Variants in SFSWAP observed in about 807,000 individuals in gnomAD.
The protein encoded by SFSWAP is splicing factor, suppressor of white-apricot homolog.
In SFSWAP, 17 loss-of-function variants were observed where a neutral mutation model predicts 100.7. That is an observed-to-expected ratio of 0.17 (90% CI 0.12 to 0.25). SFSWAP has a LOEUF of 0.25. SFSWAP is among the 10% of genes least tolerant of loss of function. The pLI is 1.00. For synonymous variants in SFSWAP, 504 were observed against 510.1 expected (o/e 0.99, Z 0.16); for missense variants, 1,005 against 1,262.6 (o/e 0.80, Z 3.09).
chr12:131,768,631 C>T (rs55844034), intron 13 of SFSWAP, among the ~76,000 whole-genome samples: 10,552 of 152,210 alleles, frequency 0.069, 394 homozygotes, highest in Middle Eastern at 0.18. Context: ...TCTGGCCACC[C>T]GCTGTAGCCT....
intron 3 of SFSWAP, among the ~76,000 whole-genome samples, chr12:131,718,242 T>G (rs1214331343): frequency 6.6e-6 from 1 of 152,220 alleles, no homozygotes; most frequent in Non-Finnish European, 1.5e-5. Context: ...TGACAGGAGA[T>G]CTTTGCAAAT....
Position 131,714,910 on chromosome 12 carries a change from C to T in SFSWAP, c.477C>T (p.Asp159=), listed in dbSNP as rs1877743690. Residue 159 remains aspartate (D), a synonymous_variant, in exon 3 of 18, where the codon GAC becomes GAT. Transcript: ENST00000261674. The surrounding 1 kb of genome is among the most constrained non-coding windows in gnomAD (Gnocchi z 6.0). Reference sequence around the variant, plus strand: ...TCACTTACGGTAGCGACTATTACGACCCGTCAGAGCCGACGGAGGAGGAGG... The same window carrying T: ...TCACTTACGGTAGCGACTATTACGATCCGTCAGAGCCGACGGAGGAGGAGG... ...VGFTYGSDYY[D]PSEPTEEEEP... 6.2e-7 allele frequency: 1 copy of T among 1,614,118 alleles called. No homozygotes were observed.
intron 7 of SFSWAP, among the ~76,000 whole-genome samples, chr12:131,748,228 T>TTC: frequency 6.6e-6 from 1 of 151,824 alleles, no homozygotes; most frequent in Non-Finnish European, 1.5e-5. Context: ...CTTTTTTTTT[T>TTC]TTTTTGAGAC....
intron 7 of SFSWAP, among the ~76,000 whole-genome samples, chr12:131,745,516 A>G (rs568277077): frequency 6.6e-6 from 1 of 152,332 alleles, no homozygotes; most frequent in African/African-American, 2.4e-5. Context: ...CATTCTTGAG[A>G]ATGCAGAATT....
chr12:131,711,578 C>G lies in SFSWAP; in HGVS notation c.218+131C>G, dbSNP rs1419658439. Reference sequence around the variant, plus strand: ...GGGGATCTGGGGGACACCCCCTCCCCTGTCCCCACCTCCTCCTGGTGTTCT... The same window carrying G: ...GGGGATCTGGGGGACACCCCCTCCCGTGTCCCCACCTCCTCCTGGTGTTCT... On this transcript the variant is annotated intron_variant, in intron 1 of 17. Transcript: ENST00000261674. The surrounding 1 kb of genome is among the most constrained non-coding windows in gnomAD (Gnocchi z 4.9). 2 of 709,724 alleles carry G rather than the reference C, an allele frequency of 2.8e-6. No individual in the cohort carries two copies. The highest frequency in any genetic ancestry group is 3.5e-5 in the South Asian group (2 of 56,720). 44.0% of individuals were successfully genotyped at this position (709,724 alleles called of 1,614,324 possible).
chr12:131,756,558 C>T lies in SFSWAP; in HGVS notation c.1634C>T (p.Ala545Val), dbSNP rs1364398200. 4 of 1,613,960 alleles carry T rather than the reference C, an allele frequency of 2.5e-6. No homozygotes were observed. The highest frequency in any genetic ancestry group is 3.4e-6 in the Non-Finnish European group (4 of 1,179,942). ...DAGEDGAPED[A>V]AEVGARAGSG... ...GGGGAGGATGGCGCGCCTGAAGACGCAGCCGAGGTGGGAGCACGGGCAGGC... is the reference window on the plus strand; with the variant it reads ...GGGGAGGATGGCGCGCCTGAAGACGTAGCCGAGGTGGGAGCACGGGCAGGC... Residue 545 changes from alanine to valine, a missense_variant, in exon 11 of 18, where the codon GCA (alanine) becomes GTA (valine). Transcript: ENST00000261674.
intron 13 of SFSWAP, among the ~76,000 whole-genome samples, chr12:131,772,095 T>C (rs967460516): frequency 6.6e-6 from 1 of 152,218 alleles, no homozygotes; most frequent in African/African-American, 2.4e-5. Context: ...TTGTCATCAG[T>C]GTCACAAACA....
chr12:131,782,576 AGTT>A (rs1884579406), intron 14 of SFSWAP, among the ~76,000 whole-genome samples: 1 of 152,210 alleles, frequency 6.6e-6, no homozygotes, highest in South Asian at 2.1e-4. Flanking sequence ...AGAATACCGC[AGTT>A]GTTAATATTT....
intron 3 of SFSWAP, 100 bp downstream of exon 3, chr12:131,715,053 A>G (rs1457505111): frequency 8.2e-7 from 1 of 1,215,266 alleles, no homozygotes; most frequent in African/African-American, 1.5e-5. Flanking sequence ...TCTGGCACTC[A>G]TGATAGCACC....
At position 131,714,564 on chromosome 12, in the gene SFSWAP, G is replaced by T. The variant is rs1366556917; in HGVS notation, c.389-258G>T. The T allele has an allele frequency of 1.9e-6, 1 of 513,650 alleles. No individual in the cohort carries two copies. Among genetic ancestry groups the T allele is most frequent in the Admixed American group, 3.3e-5 (1 of 30,656 alleles). 31.8% of individuals were successfully genotyped at this position (513,650 alleles called of 1,614,324 possible). The stretch of plus-strand genomic sequence containing the variant: ...CTTTGCCGTAACAGTCTTTAATACA[G>T]TTCTTAATCCCAAAATTTTCTCAGC... On this transcript the variant is annotated intron_variant, in intron 2 of 17. Coordinates refer to ENST00000261674, the MANE Select transcript of SFSWAP (RefSeq NM_004592.4). The surrounding 1 kb of genome is among the most constrained non-coding windows in gnomAD (Gnocchi z 6.0).
At chr12:131,760,428 A>G (rs941804817) in intron 11 of SFSWAP, among the ~76,000 whole-genome samples, 1 of 152,232 alleles carries the variant, frequency 6.6e-6, no homozygotes, top group Non-Finnish European at 1.5e-5. Context: ...TATTTTTTCA[A>G]TGTAGCCTCA....
chr12:131,726,840 A>C, intron 5 of SFSWAP, 100 bp from the exon 6 acceptor site: 1 of 761,306 alleles, frequency 1.3e-6, no homozygotes, highest in Non-Finnish European at 2.3e-6. Flanking sequence ...TTTTCGACAG[A>C]TAACCAAGAT....
In SFSWAP at chr12:131,733,173, T is replaced by C. The variant is rs1281143157; in HGVS notation, c.1081+4745T>C. On this transcript the variant is annotated intron_variant, in intron 7 of 17. Coordinates refer to ENST00000261674, the MANE Select transcript of SFSWAP (RefSeq NM_004592.4). This position sits in a 1 kb window ranked among gnomAD's most constrained non-coding sequence, Gnocchi z 5.1. Reference sequence around the variant, plus strand: ...GGCCATGGACTTGAAACGTCAGCTGTATGAGAGCGGGCGGGGGATGGCGCG... The same window carrying C: ...GGCCATGGACTTGAAACGTCAGCTGCATGAGAGCGGGCGGGGGATGGCGCG... Among the ~76,000 whole-genome samples, 1 of 152,198 alleles carries C rather than the reference T, an allele frequency of 6.6e-6. No individual in the cohort carries two copies. Among genetic ancestry groups the C allele is most frequent in the African/African-American group, 2.4e-5 (1 of 41,450 alleles).
At position 131,711,492 on chromosome 12, in the gene SFSWAP, G is replaced by A. The variant is rs540929816; in HGVS notation, c.218+45G>A. On this transcript the variant is annotated intron_variant, in intron 1 of 17. Transcript: ENST00000261674. The surrounding 1 kb of genome is among the most constrained non-coding windows in gnomAD (Gnocchi z 4.9). The stretch of plus-strand genomic sequence containing the variant: ...CGTCGATCCTTCCCTTCCCTCACCC[G>A]CTTGATCTCGTCTGATGTTGACTTG... 2 of 1,486,736 alleles carry A rather than the reference G, an allele frequency of 1.3e-6. No homozygotes were observed. Among genetic ancestry groups the A allele is most frequent in the African/African-American group, 1.4e-5 (1 of 72,696 alleles). The allele number at this position is 1,486,736 out of a possible 1,614,324, so 92.1% of individuals were successfully genotyped here.
intron 7 of SFSWAP, among the ~76,000 whole-genome samples, chr12:131,729,631 A>C (rs1234101156): frequency 6.6e-6 from 1 of 152,204 alleles, no homozygotes; most frequent in Admixed American, 6.5e-5. Context: ...AGGTCCATGC[A>C]GGAGATCATT....
Position 131,756,623 on chromosome 12 carries a change from C to T in SFSWAP, c.1699C>T (p.Pro567Ser), listed in dbSNP as rs1471035330. The T allele has an allele frequency of 6.2e-7, 1 of 1,600,228 alleles. No individual in the cohort carries two copies. Among genetic ancestry groups the T allele is most frequent in the Non-Finnish European group, 8.5e-7 (1 of 1,174,382 alleles). Residue 567 changes from proline (P) to serine (S), a missense_variant, in exon 11 of 18, where the codon CCG becomes TCG. Around this residue, in one of 7 missense-constraint regions of SFSWAP, gnomAD observed 82 missense variants for 131.0 expected, o/e 0.63. Transcript: ENST00000261674. The part of the protein sequence containing the change: ...KKEASSSKTV[P>S]DGKLVKASFA... Reference sequence around the variant, plus strand: ...GGAGGCATCGTCCAGTAAGACCGTCCCGGACGGGAAGCTGGTGAAAGGTAT... The same window carrying T: ...GGAGGCATCGTCCAGTAAGACCGTCTCGGACGGGAAGCTGGTGAAAGGTAT...
chr12:131,753,179 C>G lies in SFSWAP; in HGVS notation c.1138C>G (p.Leu380Val), dbSNP rs1487360850. 1.2e-6 allele frequency: 2 copies of G among 1,614,186 alleles called. No individual in the cohort carries two copies. Among genetic ancestry groups the G allele is most frequent in the Non-Finnish European group, 1.7e-6 (2 of 1,180,020 alleles). Residue 380 changes from leucine to valine, a missense_variant, in exon 8 of 18, where the codon CTG (leucine) becomes GTG (valine). By Grantham distance (32) the Leu-to-Val change is conservative. This residue lies in a region of SFSWAP where 311 missense variants were observed against 317.8 expected (regional missense o/e 0.98). Transcript: ENST00000261674. ...CATGCTACCGGACGGCACTTACTGC[C>G]TGGCGCCGCCCCCTCCCGGAATCGA... ...YYMLPDGTYCLAPPPPGIDVT... is the reference protein window; with the variant it reads ...YYMLPDGTYCVAPPPPGIDVT...
intron 7 of SFSWAP, among the ~76,000 whole-genome samples, chr12:131,737,708 C>T (rs549034522): frequency 3.9e-5 from 6 of 152,104 alleles, no homozygotes; most frequent in East Asian, 3.9e-4. Context: ...TATACTCAGT[C>T]GTTCTTTCTT....
At chr12:131,776,139 C>G (rs897658) in intron 13 of SFSWAP, among the ~76,000 whole-genome samples, 60,884 of 152,036 alleles carry the variant, frequency 0.4, 13,224 homozygotes, top group Non-Finnish European at 0.49. Context: ...AAAGTTTGAC[C>G]TGAAAAATAT....
Sources: gnomAD v4.1 joint callset for allele counts (sites outside exome capture counted in the v4.1 genomes callset) on GRCh38, gnomAD v4.1.1 for gene constraint, gnomAD v4.1.1 regional missense constraint, Gnocchi (gnomAD v3.1) non-coding constraint, MANE v1.5 for transcripts, NCBI Gene and HGNC (gene_info 2026-07-23, HGNC 2026-07-21) for gene names.